VMP1: variants seen among roughly 807,000 people sequenced by gnomAD.
The protein encoded by VMP1 is vacuole membrane protein 1.
A neutral mutation model predicts 56.0 loss-of-function variants in VMP1; 11 were observed. The ratio of observed to expected loss-of-function variants is 0.20; its 90% CI spans 0.12 to 0.32. The LOEUF is 0.32. Ranked by LOEUF, VMP1 falls within the 10% of genes least tolerant of loss-of-function variation. VMP1 has a pLI of 1.00. For missense variants in VMP1, 296 were observed against 490.3 expected (o/e 0.60, Z 3.74); for synonymous variants, 149 against 165.0 (o/e 0.90, Z 0.74).
At chr17:59,821,550 T>C (rs1290233027) in intron 10 of VMP1, among the ~76,000 whole-genome samples, 3 of 146,640 alleles carry the variant, frequency 2.0e-5, no homozygotes, top group Admixed American at 2.0e-4. Flanking sequence ...TTTTTTTTTT[T>C]TTTTTTTTTT....
chr17:59,839,079 C>G (rs947513948), intron 11 of VMP1: 2 of 153,540 alleles, frequency 1.3e-5, no homozygotes, highest in African/African-American at 4.8e-5. Flanking sequence ...ACTGCAACCT[C>G]CGCCTCCCGG....
At chr17:59,750,439 T>A (rs2035596490) in intron 5 of VMP1, among the ~76,000 whole-genome samples, 1 of 151,824 alleles carries the variant, frequency 6.6e-6, no homozygotes, top group Non-Finnish European at 1.5e-5. Context: ...GTAGCTGAGA[T>A]TATAGGTGTC....
At chr17:59,731,568 A>T (rs376166261) in intron 2 of VMP1, 46 bp downstream of exon 2, 1 of 1,359,734 alleles carries the variant, frequency 7.4e-7, no homozygotes, top group Non-Finnish European at 9.9e-7. Flanking sequence ...GGTTTAAATG[A>T]TATACTTTTC....
intron 5 of VMP1, among the ~76,000 whole-genome samples, chr17:59,757,298 G>T (rs1255340703): frequency 6.7e-6 from 1 of 148,968 alleles, no homozygotes; most frequent in Non-Finnish European, 1.5e-5. Flanking sequence ...GATAGATGTG[G>T]TTTTGTATAA....
At chr17:59,818,398 A>C (rs566889195) in intron 10 of VMP1, among the ~76,000 whole-genome samples, 8 of 152,190 alleles carry the variant, frequency 5.3e-5, no homozygotes, top group Admixed American at 2.0e-4. Flanking sequence ...TTAATTAAGT[A>C]AGTCATGTTA....
chr17:59,825,704 T>A (rs1055786994), intron 10 of VMP1, among the ~76,000 whole-genome samples: 2 of 152,222 alleles, frequency 1.3e-5, no homozygotes, highest in Non-Finnish European at 2.9e-5. Flanking sequence ...GGGGATGGTG[T>A]TGGCTGGAAC....
At chr17:59,721,304 C>G (rs1253485666) in intron 1 of VMP1, among the ~76,000 whole-genome samples, 1 of 151,976 alleles carries the variant, frequency 6.6e-6, no homozygotes, top group Non-Finnish European at 1.5e-5. Context: ...CATGATCGCC[C>G]CATTGCACTC....
At chr17:59,839,605 A>T in intron 11 of VMP1, 163 bp from the exon 12 acceptor site, 1 of 795,172 alleles carries the variant, frequency 1.3e-6, no homozygotes, top group Non-Finnish European at 1.9e-6. Context: ...GGGTGTAAAA[A>T]GGAGAGTAAT....
intron 10 of VMP1, among the ~76,000 whole-genome samples, chr17:59,818,173 T>G (rs2038312513): frequency 1.3e-5 from 2 of 152,116 alleles, no homozygotes; most frequent in Non-Finnish European, 2.9e-5. Context: ...CTGCATTTAA[T>G]GTAAATGTAA....
Position 59,839,833 on chromosome 17 carries a change from A to G in VMP1, c.1143A>G (p.Leu381=). The part of the protein sequence containing the change: ...LVVVMVCYFI[L]SIINSMAQSY... ...TTGTCATGGTGTGTTACTTCATCCT[A>G]TCTATCATTAACTCCATGGCACAAA... The change falls in exon 12 of 12, where the codon CTA becomes CTG. Residue 381 remains leucine (L), a synonymous_variant. Coordinates refer to ENST00000262291, the MANE Select transcript of VMP1 (RefSeq NM_030938.5). 3.1e-6 allele frequency: 5 copies of G among 1,613,742 alleles called. No homozygotes were observed. Among genetic ancestry groups the G allele is most frequent in the Non-Finnish European group, 4.2e-6 (5 of 1,179,952 alleles).
intron 7 of VMP1, among the ~76,000 whole-genome samples, chr17:59,807,343 G>A (rs1361522527): frequency 1.3e-5 from 2 of 151,124 alleles, no homozygotes; most frequent in East Asian, 2.0e-4. Flanking sequence ...GACTACAGGC[G>A]CCTGCCAGCA....
intron 10 of VMP1, among the ~76,000 whole-genome samples, chr17:59,824,819 G>A (rs536745895): frequency 5.0e-4 from 73 of 144,866 alleles, no homozygotes; most frequent in African/African-American, 1.7e-3. Flanking sequence ...ATTGTAGTGA[G>A]CCGAGATTGC....
At chr17:59,792,165 T>A (rs1397448817) in intron 7 of VMP1, among the ~76,000 whole-genome samples, 1 of 152,046 alleles carries the variant, frequency 6.6e-6, no homozygotes, top group Admixed American at 6.6e-5. Context: ...TAGTCCCAGT[T>A]ACTTGGAAGG....
At chr17:59,719,258 G>C (rs1204455745) in intron 1 of VMP1, among the ~76,000 whole-genome samples, 1 of 152,068 alleles carries the variant, frequency 6.6e-6, no homozygotes, top group African/African-American at 2.4e-5. Flanking sequence ...GTTCCAGCCT[G>C]TGGTGACCTG....
At chr17:59,806,741 G>C (rs958330070) in intron 7 of VMP1, among the ~76,000 whole-genome samples, 7 of 150,504 alleles carry the variant, frequency 4.7e-5, no homozygotes. Context: ...AATTAAATCT[G>C]ATATAACTGA....
intron 7 of VMP1, among the ~76,000 whole-genome samples, chr17:59,796,242 T>A (rs1444781673): frequency 6.6e-6 from 1 of 152,188 alleles, no homozygotes; most frequent in Non-Finnish European, 1.5e-5. Flanking sequence ...AATTTTGATG[T>A]TTTGGATCAC....
At chr17:59,759,903 G>GTTT (rs58618508) in intron 5 of VMP1, among the ~76,000 whole-genome samples, 1 of 97,978 alleles carries the variant, frequency 1.0e-5, no homozygotes, top group Non-Finnish European at 2.5e-5. Context: ...GTTTTTTGGT[G>GTTT]TTTTTTTTTT....
intron 10 of VMP1, among the ~76,000 whole-genome samples, chr17:59,835,049 C>T (rs2038935661): frequency 6.6e-6 from 1 of 151,746 alleles, no homozygotes; most frequent in African/African-American, 2.4e-5. Flanking sequence ...CGTGAACCAC[C>T]ATGGCTGGCC....
Position 59,731,542 on chromosome 17 carries a change from A to C in VMP1, c.76+20A>C, listed in dbSNP as rs1423084110. On this transcript the variant is annotated intron_variant, in intron 2 of 11. Transcript: ENST00000262291. ...TCACAGGTAAATTTTGATGGTTTGC[A>C]GGGAGGAGTGCTATGGGTTTAAATG... 4 of 1,558,412 alleles carry C rather than the reference A, an allele frequency of 2.6e-6. No individual in the cohort carries two copies. In the African/African-American group the frequency reaches 4.2e-5, roughly 16 times the overall value.
Sources: allele counts gnomAD v4.1 joint callset (sites outside exome capture counted in the v4.1 genomes callset), GRCh38; gene constraint gnomAD v4.1.1; transcripts MANE v1.5; gene names NCBI Gene and HGNC (gene_info 2026-07-23, HGNC 2026-07-21).